SPDL1: variants seen among roughly 807,000 people sequenced by gnomAD.
SPDL1 encodes the protein protein Spindly.
SPDL1 carries 85 observed loss-of-function variants against 79.5 expected under a neutral mutation model. The observed-to-expected ratio is 1.07, with a 90% CI of 0.90 to 1.28. The LOEUF is 1.28. Ranked by LOEUF, SPDL1 falls within the 50% of genes most tolerant of loss-of-function variation. The pLI is 0.00. For missense variants in SPDL1, 703 were observed against 697.8 expected, an observed-to-expected ratio of 1.01 and a Z score of -0.08; for synonymous variants, 269 against 240.3, an observed-to-expected ratio of 1.12 and a Z score of -1.10.
At chr5:169,596,737 T>G in intron 8 of SPDL1, 36 bp downstream of exon 8, 1 of 1,516,742 alleles carries the variant, frequency 6.6e-7, no homozygotes, top group Admixed American at 2.5e-5. Context: ...ACATCCAAAT[T>G]TTGATTTGAA....
At chr5:169,596,845 T>C in intron 8 of SPDL1, 144 bp downstream of exon 8, 1 of 636,874 alleles carries the variant, frequency 1.6e-6, no homozygotes, top group Non-Finnish European at 2.5e-6. Context: ...CTCCTTATAC[T>C]TAAACATCCA....
At position 169,593,433 on chromosome 5, in the gene SPDL1, A is replaced by G. The variant is rs1368845561; in HGVS notation, c.416A>G (p.Glu139Gly). 1 of 1,614,134 alleles carries G rather than the reference A, an allele frequency of 6.2e-7. No homozygotes were observed. The highest frequency in any genetic ancestry group is 8.5e-7 in the Non-Finnish European group (1 of 1,180,008). The change falls in exon 4 of 12, where the codon GAA becomes GGA. Residue 139 changes from glutamate (E) to glycine (G), a missense_variant. Physicochemically the swap from Glu to Gly is moderately conservative, Grantham distance 98 (BLOSUM62 -2). Coordinates refer to ENST00000265295, the MANE Select transcript of SPDL1 (RefSeq NM_017785.5). ...QLKHQVDHQK[E>G]LLSCKSEELR... ...AAGCACCAAGTAGATCATCAGAAGGAACTCCTCTCTTGTAAATCAGAGGAA... is the reference window on the plus strand; with the variant it reads ...AAGCACCAAGTAGATCATCAGAAGGGACTCCTCTCTTGTAAATCAGAGGAA...
chr5:169,593,329 A>G (rs374292886), intron 3 of SPDL1, 25 bp from the exon 4 acceptor site: 96 of 1,532,310 alleles, frequency 6.3e-5, no homozygotes, highest in Non-Finnish European at 8.3e-5. Context: ...CTTTCAATTT[A>G]TGACTTTTTT....
chr5:169,603,198 A>G (rs1207151548), intron 11 of SPDL1, among the ~76,000 whole-genome samples: 1 of 152,136 alleles, frequency 6.6e-6, no homozygotes, highest in Non-Finnish European at 1.5e-5. Flanking sequence ...ACACAATCCT[A>G]AGATAATTTT....
In SPDL1 at chr5:169,604,132, A is replaced by C; in HGVS notation, c.1743A>C (p.Glu581Asp). 5.6e-6 allele frequency: 9 copies of C among 1,613,538 alleles called. No individual in the cohort carries two copies. Among genetic ancestry groups the C allele is most frequent in the Non-Finnish European group, 7.6e-6 (9 of 1,179,802 alleles). The change falls in exon 12 of 12, where the codon GAA becomes GAC. Residue 581 changes from glutamate to aspartate, a missense_variant. Transcript: ENST00000265295. Reference sequence around the variant, plus strand: ...AAACTTCAAGCAAATTGGAAAAAGAAACTTGTAAGAAATTACACCCTATTC... The same window carrying C: ...AAACTTCAAGCAAATTGGAAAAAGACACTTGTAAGAAATTACACCCTATTC... ...GKETSSKLEKETCKKLHPILY... is the reference protein window; with the variant it reads ...GKETSSKLEKDTCKKLHPILY...
In SPDL1 at chr5:169,601,478, A is replaced by G. The variant is rs755805498; in HGVS notation, c.1523A>G (p.Tyr508Cys). 2.5e-6 allele frequency: 4 copies of G among 1,614,172 alleles called. No homozygotes were observed. In the South Asian group the frequency reaches 4.4e-5, roughly 18 times the overall value. The change falls in exon 11 of 12, where the codon TAC (tyrosine) becomes TGC (cysteine). Residue 508 changes from tyrosine to cysteine, a missense_variant. Transcript: ENST00000265295. ...CAATTAGAAAAATCAGTTTCTATATACACACCAGTAGTCAGTCTCTCTCCT... is the reference window on the plus strand; with the variant it reads ...CAATTAGAAAAATCAGTTTCTATATGCACACCAGTAGTCAGTCTCTCTCCT... ...NLQLEKSVSI[Y>C]TPVVSLSPHK...
intron 11 of SPDL1, 151 bp downstream of exon 11, chr5:169,601,776 C>T (rs1298251636): frequency 8.9e-6 from 7 of 786,912 alleles, no homozygotes; most frequent in Non-Finnish European, 1.3e-5. Context: ...TCAACTTTTC[C>T]AGAACTTTAA....
At chr5:169,603,193 A>G (rs1756025036) in intron 11 of SPDL1, among the ~76,000 whole-genome samples, 1 of 152,134 alleles carries the variant, frequency 6.6e-6, no homozygotes, top group African/African-American at 2.4e-5. Context: ...TAGATACACA[A>G]TCCTAAGATA....
intron 7 of SPDL1, chr5:169,595,384 A>G (rs1202231022): frequency 4.6e-5 from 7 of 152,170 alleles, no homozygotes; most frequent in African/African-American, 1.7e-4. Flanking sequence ...TAAATTTGGG[A>G]GTTAGGTGGA....
chr5:169,599,393 T>C (rs1755766648), intron 10 of SPDL1, among the ~76,000 whole-genome samples: 1 of 152,236 alleles, frequency 6.6e-6, no homozygotes, highest in Non-Finnish European at 1.5e-5. Flanking sequence ...AATTTCATCA[T>C]ACTGTATAGT....
chr5:169,588,624 G>T (rs1242720361), intron 2 of SPDL1, 49 bp downstream of exon 2: 1 of 1,516,174 alleles, frequency 6.6e-7, no homozygotes, highest in Admixed American at 2.2e-5. Context: ...AGCTATTGAA[G>T]ATTTGTCCTG....
intron 3 of SPDL1, 103 bp from the exon 4 acceptor site, chr5:169,593,251 A>G (rs1018044000): frequency 1.2e-5 from 12 of 1,017,396 alleles, no homozygotes; most frequent in Middle Eastern, 4.5e-4. Context: ...GGAAACTCCA[A>G]TAGTATCATC....
chr5:169,590,866 C>T (rs1020748764), intron 2 of SPDL1, 182 bp from the exon 3 acceptor site: 41 of 669,994 alleles, frequency 6.1e-5, no homozygotes, highest in Middle Eastern at 4.8e-4. Flanking sequence ...TTTCGAAATA[C>T]ACCTCAGGGG....
chr5:169,598,509 G>A lies in SPDL1; in HGVS notation c.1066G>A (p.Val356Ile). The A allele has an allele frequency of 6.2e-7, 1 of 1,613,208 alleles. No homozygotes were observed. The highest frequency in any genetic ancestry group is 8.5e-7 in the Non-Finnish European group (1 of 1,179,348). ...LYDSMESKPS[V>I]DSGTLEDNTY... ...TGACAGTATGGAATCTAAGCCTTCA[G>A]TCGACTCTGGTACTCTGGAAGATAA... Residue 356 changes from valine (V) to isoleucine (I), a missense_variant, in exon 9 of 12, where the codon GTC becomes ATC. Coordinates refer to ENST00000265295, the MANE Select transcript of SPDL1 (RefSeq NM_017785.5).
At chr5:169,601,071 T>C (rs955331258) in intron 10 of SPDL1, among the ~76,000 whole-genome samples, 1 of 152,150 alleles carries the variant, frequency 6.6e-6, no homozygotes, top group African/African-American at 2.4e-5. Context: ...AGGAAAAATA[T>C]ATAGCCAAAT....
At chr5:169,586,297 A>G (rs540475561) in intron 1 of SPDL1, 45 of 152,392 alleles carry the variant, frequency 3.0e-4, no homozygotes, top group Admixed American at 2.9e-3. Context: ...ATCTGGCATG[A>G]TTGATTACTC....
In SPDL1 at chr5:169,591,084, G is replaced by A. The variant is rs769144037; in HGVS notation, c.196G>A (p.Val66Ile). The A allele has an allele frequency of 3.7e-6, 6 of 1,613,882 alleles. No individual in the cohort carries two copies. Among genetic ancestry groups the A allele is most frequent in the Non-Finnish European group, 4.2e-6 (5 of 1,179,934 alleles). Residue 66 changes from valine to isoleucine, a missense_variant, in exon 3 of 12, where the codon GTT (valine) becomes ATT (isoleucine). By Grantham distance (29) the Val-to-Ile change is conservative (BLOSUM62 3). Transcript: ENST00000265295. Reference protein sequence around the residue: ...EQEKYTLQREVELKSRMLESL... With the variant: ...EQEKYTLQREIELKSRMLESL... ...AGAAAAATATACCCTTCAAAGAGAA[G>A]TTGAACTCAAGAGTCGAATGTTAGA...
At chr5:169,599,523 A>G (rs1456207834) in intron 10 of SPDL1, among the ~76,000 whole-genome samples, 2 of 152,242 alleles carry the variant, frequency 1.3e-5, no homozygotes. Flanking sequence ...GACTGTTTAT[A>G]GAAAATCTAA....
chr5:169,590,857 T>G, intron 2 of SPDL1, 191 bp from the exon 3 acceptor site: 3 of 645,654 alleles, frequency 4.6e-6, no homozygotes, highest in Non-Finnish European at 8.5e-6. Context: ...TTAACATAGT[T>G]TCGAAATACA....
Sources: allele counts gnomAD v4.1 joint callset (sites outside exome capture counted in the v4.1 genomes callset), GRCh38; gene constraint gnomAD v4.1.1; transcripts MANE v1.5; gene names NCBI Gene and HGNC (gene_info 2026-07-23, HGNC 2026-07-21).